The following TRIOBP variants were observed in gnomAD, a reference collection of about 807,000 sequenced individuals.
TRIOBP encodes TRIO and F-actin binding protein.
TRIOBP carries 169 observed loss-of-function variants against 238.8 expected under a neutral mutation model. The observed-to-expected ratio is 0.71, with a 90% CI of 0.62 to 0.80. TRIOBP has a LOEUF of 0.80. Among genes scored for constraint, TRIOBP ranks in the 30% least tolerant of loss-of-function variants. TRIOBP has a pLI of 0.00. For missense variants in TRIOBP, 2,838 were observed against 3,122.6 expected (o/e 0.91, Z 2.17); for synonymous variants, 1,150 against 1,274.4 (o/e 0.90, Z 2.08).
chr22:37,771,808 G>T (rs975971781), intron 22 of TRIOBP, 72 bp downstream of exon 22: 10 of 1,385,076 alleles, frequency 7.2e-6, no homozygotes, highest in Non-Finnish European at 1.0e-5. Context: ...GTGAGCACCT[G>T]CTCTGTGCCA....
chr22:37,699,939 C>T (rs1032640382), intron 2 of TRIOBP, among the ~76,000 whole-genome samples: 3 of 151,484 alleles, frequency 2.0e-5, no homozygotes, highest in African/African-American at 4.9e-5. Flanking sequence ...AGTGAAGTGG[C>T]GTGCTCTCCG....
intron 11 of TRIOBP, among the ~76,000 whole-genome samples, chr22:37,742,816 C>A (rs990473336): frequency 1.3e-5 from 2 of 152,136 alleles, no homozygotes; most frequent in African/African-American, 4.8e-5. Context: ...TACTACATGC[C>A]CAGCTCTGTG....
chr22:37,731,044 A>G (rs1006609920), intron 7 of TRIOBP, among the ~76,000 whole-genome samples: 3 of 152,032 alleles, frequency 2.0e-5, no homozygotes, highest in African/African-American at 7.2e-5. Flanking sequence ...TCTCCGAACC[A>G]GCTGCCAATA....
intron 22 of TRIOBP, among the ~76,000 whole-genome samples, chr22:37,772,311 A>G (rs1601672512): frequency 6.6e-6 from 1 of 152,132 alleles, no homozygotes; most frequent in African/African-American, 2.4e-5. Context: ...GGGCCCGAGC[A>G]CCCAGCCAGG....
intron 17 of TRIOBP, among the ~76,000 whole-genome samples, chr22:37,761,135 C>T (rs1830741568): frequency 1.3e-5 from 2 of 152,008 alleles, no homozygotes; most frequent in African/African-American, 4.8e-5. Flanking sequence ...ATTGTGGATG[C>T]CTCCAGTGCT....
intron 7 of TRIOBP, 44 bp from the exon 8 acceptor site, chr22:37,733,254 G>C: frequency 2.1e-6 from 3 of 1,446,154 alleles, no homozygotes; most frequent in Non-Finnish European, 2.9e-6. Context: ...TGGGGTGCTG[G>C]GAGTGGGACA....
At chr22:37,770,869 A>G (rs541866272) in intron 21 of TRIOBP, among the ~76,000 whole-genome samples, 48 of 151,796 alleles carry the variant, frequency 3.2e-4, no homozygotes, top group African/African-American at 1.2e-3. Flanking sequence ...TTTTTAGTAG[A>G]GACGGGGTTT....
intron 11 of TRIOBP, among the ~76,000 whole-genome samples, chr22:37,742,257 G>GTGT (rs2145849522): frequency 9.7e-6 from 1 of 102,770 alleles, no homozygotes; most frequent in South Asian, 3.7e-4. Flanking sequence ...CACGCCAGGC[G>GTGT]TTTTTTTTTT....
At chr22:37,717,173 G>A (rs1337736997) in intron 6 of TRIOBP, among the ~76,000 whole-genome samples, 1 of 152,052 alleles carries the variant, frequency 6.6e-6, no homozygotes, top group African/African-American at 2.4e-5. Context: ...TGAGTGTTAC[G>A]GCTCTTAAGG....
chr22:37,741,065 AG>A (rs1360701331), intron 11 of TRIOBP, 33 bp downstream of exon 11: 3 of 1,551,366 alleles, frequency 1.9e-6, no homozygotes, highest in Non-Finnish European at 2.6e-6. Context: ...TGGAGGGGTG[AG>A]GGTGGATAGA....
chr22:37,767,966 G>A (rs1900712122), intron 18 of TRIOBP, 108 bp from the exon 19 acceptor site: 2 of 837,248 alleles, frequency 2.4e-6, no homozygotes, highest in South Asian at 1.4e-5. Context: ...AGTACTATGT[G>A]GAGTCCACAT....
chr22:37,736,986 A>G (rs1019606280), intron 9 of TRIOBP, among the ~76,000 whole-genome samples: 2 of 152,136 alleles, frequency 1.3e-5, no homozygotes, highest in Non-Finnish European at 2.9e-5. Flanking sequence ...AGGACTGGAG[A>G]ACCCTCTCCC....
In TRIOBP at chr22:37,768,182, A is replaced by G; in HGVS notation, c.6575+6A>G. 1.2e-6 allele frequency: 2 copies of G among 1,608,424 alleles called. No individual in the cohort carries two copies. Among genetic ancestry groups the G allele is most frequent in the East Asian group, 2.2e-5 (1 of 44,716 alleles). On this transcript the variant is annotated splice_donor_region_variant and intron_variant, in intron 19 of 23. Coordinates refer to ENST00000644935, the MANE Select transcript of TRIOBP (RefSeq NM_001039141.3). ...GGCCTCCGGAAGCAGCACCAGTAAG[A>G]TGATGCCGGGGCCCAACTGCCCACC...
At chr22:37,716,950 T>C (rs1316465430) in intron 6 of TRIOBP, among the ~76,000 whole-genome samples, 1 of 152,170 alleles carries the variant, frequency 6.6e-6, no homozygotes, top group African/African-American at 2.4e-5. Flanking sequence ...GCAAACAGGA[T>C]AGTCATGGTT....
At chr22:37,733,435 G>T (rs570752413) in intron 8 of TRIOBP, 23 bp downstream of exon 8, 1 of 1,540,686 alleles carries the variant, frequency 6.5e-7, no homozygotes, top group African/African-American at 1.4e-5. Flanking sequence ...AGCTGTCTGG[G>T]GCCCCGCACC....
In TRIOBP at chr22:37,776,030, A is replaced by AC. The variant is rs1286207764; in HGVS notation, c.*2252dup. 1 of 152,116 alleles carries AC rather than the reference A, an allele frequency of 6.6e-6. No individual in the cohort carries two copies. Among genetic ancestry groups the AC allele is most frequent in the East Asian group, 1.9e-4 (1 of 5,182 alleles). 9.4% of individuals were successfully genotyped at this position (152,116 alleles called of 1,614,324 possible). On this transcript the variant is annotated 3_prime_UTR_variant, in exon 24 of 24. Coordinates refer to ENST00000644935, the MANE Select transcript of TRIOBP (RefSeq NM_001039141.3). The stretch of plus-strand genomic sequence containing the variant: ...CTCTGCCGTCCATCCTCACCATCCC[A>AC]CCGTCCCCCCAAGACAGCTCTCCAT...
Position 37,775,400 on chromosome 22 carries a change from C to T in TRIOBP, c.*1620C>T, listed in dbSNP as rs1926979462. On this transcript the variant is annotated 3_prime_UTR_variant, in exon 24 of 24. Transcript: ENST00000644935. ...GGGATTGGTTGAGGAATGGACAAGG[C>T]TTGCAGTTCACGCAAGCCAGTGAAA... 1 of 152,218 alleles carries T rather than the reference C, an allele frequency of 6.6e-6. No homozygotes were observed. Among genetic ancestry groups the T allele is most frequent in the Non-Finnish European group, 1.5e-5 (1 of 68,066 alleles). The allele number at this position is 152,218 out of a possible 1,614,324, so 9.4% of individuals were successfully genotyped here. A position where few individuals can be genotyped will look rare whatever the true frequency, so the allele number is the denominator to read the frequency against.
In TRIOBP at chr22:37,757,670, C is replaced by T. The variant is rs1453248666; in HGVS notation, c.5745C>T (p.Pro1915=). 2 of 1,590,828 alleles carry T rather than the reference C, an allele frequency of 1.3e-6. No homozygotes were observed. The highest frequency in any genetic ancestry group is 8.5e-7 in the Non-Finnish European group (1 of 1,170,112). Residue 1915 remains proline, a synonymous_variant, in exon 16 of 24, where the codon CCC becomes CCT. Transcript: ENST00000644935. ...ACAGCTACAGCACCCAGAAGGGCCC[C>T]CTGAAGGCAGGGGAGCAGCGGGCGG... is the stretch of plus-strand genomic sequence containing the variant. ...ALHSYSTQKG[P]LKAGEQRAGS...
intron 12 of TRIOBP, among the ~76,000 whole-genome samples, chr22:37,752,706 C>T (rs1925685614): frequency 6.6e-6 from 1 of 152,234 alleles, no homozygotes; most frequent in African/African-American, 2.4e-5. Flanking sequence ...TCACACAAAG[C>T]CCGGCACCCC....
Sources: gnomAD v4.1 joint callset for allele counts (sites outside exome capture counted in the v4.1 genomes callset) on GRCh38, gnomAD v4.1.1 for gene constraint, MANE v1.5 for transcripts, NCBI Gene and HGNC (gene_info 2026-07-23, HGNC 2026-07-21) for gene names.